HSD17B12: variants seen among roughly 807,000 people sequenced by gnomAD.
HSD17B12 encodes very-long-chain 3-oxoacyl-CoA reductase.
In HSD17B12, 32 loss-of-function variants were observed where a neutral mutation model predicts 39.3. The observed-to-expected ratio is 0.81, with a 90% CI of 0.61 to 1.09. The LOEUF (loss-of-function observed/expected upper bound fraction) is 1.09. Ranked by LOEUF, HSD17B12 falls within the 50% of genes least tolerant of loss-of-function variation. The probability of loss-of-function intolerance (pLI) is 0.00; values close to 1 mark genes in which losing one functional copy is unlikely to be tolerated. For synonymous variants in HSD17B12, 150 were observed against 146.7 expected (o/e 1.02, Z -0.16); for missense variants, 342 against 382.9 (o/e 0.89, Z 0.89).
chr11:43,607,706 A>G, the HSD17B12 span, among the ~76,000 whole-genome samples: 6 of 152,240 alleles, frequency 3.9e-5, no homozygotes, highest in East Asian at 3.8e-4. Flanking sequence ...ATATATTTGT[A>G]TAGTACTACA....
chr11:43,734,530 CAG>C, intron 1 of HSD17B12: 1 of 600,338 alleles, frequency 1.7e-6, no homozygotes, highest in Non-Finnish European at 2.9e-6. Flanking sequence ...ACCTACCTGC[CAG>C]CAGGGCAGTC....
At chr11:43,747,968 C>G (rs568319950) in intron 1 of HSD17B12, among the ~76,000 whole-genome samples, 9 of 152,070 alleles carry the variant, frequency 5.9e-5, no homozygotes, top group African/African-American at 2.2e-4. Flanking sequence ...GAGGCTGGTC[C>G]CCAACAGTTC....
chr11:43,659,161 C>T, the HSD17B12 span, among the ~76,000 whole-genome samples: 1 of 152,232 alleles, frequency 6.6e-6, no homozygotes, highest in African/African-American at 2.4e-5. Flanking sequence ...TAGCAATGAG[C>T]AAGGCTCCAT....
chr11:43,757,865 G>C (rs1950525538), intron 3 of HSD17B12, among the ~76,000 whole-genome samples: 1 of 151,976 alleles, frequency 6.6e-6, no homozygotes, highest in Admixed American at 6.6e-5. Context: ...CTAGAATAAC[G>C]GCCTGTTGCC....
chr11:43,688,674 C>T lies in HSD17B12; in HGVS notation c.160+7687C>T, dbSNP rs117898723. On this transcript the variant is annotated intron_variant, in intron 1 of 10. Transcript: ENST00000278353. ...GGGCTAGACAGTTTAAGAACTTGAA[C>T]AATTGGTGCCTCTCAAGAGTATTAC... 2.3e-3 allele frequency among the ~76,000 whole-genome samples: 347 copies of T among 152,244 alleles called. 1 individual carries two copies. The Middle Eastern group carries it at 0.037, about 16-fold the overall frequency.
At chr11:43,632,800 G>A in the HSD17B12 span, among the ~76,000 whole-genome samples, 24 of 152,086 alleles carry the variant, frequency 1.6e-4, no homozygotes, top group Non-Finnish European at 2.8e-4. Flanking sequence ...TGGACATTTG[G>A]GCATGTTGGC....
chr11:43,597,194 G>A, the HSD17B12 span, among the ~76,000 whole-genome samples: 1 of 152,208 alleles, frequency 6.6e-6, no homozygotes, highest in Admixed American at 6.5e-5. Flanking sequence ...ATTCCCATGG[G>A]TGGTCAGTGG....
chr11:43,679,861 C>T (rs1048642383), upstream of HSD17B12, among the ~76,000 whole-genome samples: 8 of 152,052 alleles, frequency 5.3e-5, no homozygotes, highest in African/African-American at 1.9e-4. Context: ...TAAGGGCTCT[C>T]TATGAGTGAG....
chr11:43,747,171 T>A (rs1398965546), intron 1 of HSD17B12, among the ~76,000 whole-genome samples: 1 of 152,220 alleles, frequency 6.6e-6, no homozygotes, highest in Non-Finnish European at 1.5e-5. Context: ...ACTTACCAAA[T>A]GTCTACTGAA....
chr11:43,656,679 A>C, the HSD17B12 span, among the ~76,000 whole-genome samples: 16 of 152,172 alleles, frequency 1.1e-4, no homozygotes, highest in African/African-American at 3.9e-4. Flanking sequence ...ATTCAGGAGC[A>C]GGGTGTTCAG....
the HSD17B12 span, among the ~76,000 whole-genome samples, chr11:43,578,413 G>T: frequency 2.0e-5 from 3 of 152,270 alleles, no homozygotes; most frequent in East Asian, 1.9e-4. Context: ...CTCAGAAGCC[G>T]TCCCTCTCTC....
Position 43,816,373 on chromosome 11 carries a change from T to C in HSD17B12, c.483T>C (p.Asn161=). The C allele has an allele frequency of 2.0e-6, 3 of 1,523,326 alleles. No homozygotes were observed. The highest frequency in any genetic ancestry group is 2.7e-6 in the Non-Finnish European group (3 of 1,124,186). 94.4% of individuals were successfully genotyped at this position (1,523,326 alleles called of 1,614,324 possible). A position where few individuals can be genotyped will look rare whatever the true frequency, so the allele number is the denominator to read the frequency against. ...DNVIKKMINI[N]ILSVCKMTQL... is the part of the protein sequence containing the mutation. ...TGATCAAGAAAATGATAAATATTAATATTCTTTCTGTTTGTAAGGTAAGCA... is the reference window on the plus strand; with the variant it reads ...TGATCAAGAAAATGATAAATATTAACATTCTTTCTGTTTGTAAGGTAAGCA... Residue 161 remains asparagine (N), a synonymous_variant, in exon 6 of 11, where the codon AAT becomes AAC. Transcript: ENST00000278353.
chr11:43,750,889 AT>A (rs1256939007), intron 1 of HSD17B12, 21 bp from the exon 2 acceptor site: 2 of 1,580,114 alleles, frequency 1.3e-6, no homozygotes, highest in Non-Finnish European at 1.7e-6. Flanking sequence ...AGACTAAACT[AT>A]TGCTTTTTTC....
the HSD17B12 span, among the ~76,000 whole-genome samples, chr11:43,654,374 T>C: frequency 6.6e-6 from 1 of 152,188 alleles, no homozygotes; most frequent in African/African-American, 2.4e-5. Flanking sequence ...TGGTTTCTTT[T>C]GCTGTGCAGA....
chr11:43,598,369 C>T, the HSD17B12 span, among the ~76,000 whole-genome samples: 19 of 151,828 alleles, frequency 1.3e-4, no homozygotes, highest in African/African-American at 4.6e-4. Context: ...GTTCTTGACC[C>T]ACTTTTATTA....
chr11:43,593,050 C>G, the HSD17B12 span, among the ~76,000 whole-genome samples: 1 of 152,108 alleles, frequency 6.6e-6, no homozygotes, highest in Non-Finnish European at 1.5e-5. Flanking sequence ...CATGAAAATG[C>G]CGAAATTGTA....
At chr11:43,733,803 C>A in intron 1 of HSD17B12, 2 of 715,530 alleles carry the variant, frequency 2.8e-6, no homozygotes, top group South Asian at 1.4e-5. Context: ...TTGGCCTGGT[C>A]TTAGCCGTTG....
chr11:43,804,468 T>A (rs1454254874), intron 4 of HSD17B12, among the ~76,000 whole-genome samples: 1 of 152,114 alleles, frequency 6.6e-6, no homozygotes, highest in Non-Finnish European at 1.5e-5. Context: ...GTCAGTTGAT[T>A]GCAAAGAATC....
chr11:43,750,926 C>A lies in HSD17B12; in HGVS notation c.176C>A (p.Thr59Asn). 6.2e-7 allele frequency: 1 copy of A among 1,601,774 alleles called. No individual in the cohort carries two copies. The highest frequency in any genetic ancestry group is 8.5e-7 in the Non-Finnish European group (1 of 1,172,568). ...CCTTTCCCAGTTGTCACAGGTAGTA[C>A]TGATGGAATTGGAAAATCATATGCA... ...LGEWAVVTGSTDGIGKSYAEE... is the reference protein window; with the variant it reads ...LGEWAVVTGSNDGIGKSYAEE... The change falls in exon 2 of 11, where the codon ACT becomes AAT. Residue 59 changes from threonine to asparagine, a missense_variant. Coordinates refer to ENST00000278353, the MANE Select transcript of HSD17B12 (RefSeq NM_016142.3).
Sources: allele counts gnomAD v4.1 joint callset (sites outside exome capture counted in the v4.1 genomes callset), GRCh38; gene constraint gnomAD v4.1.1; transcripts MANE v1.5; gene names NCBI Gene and HGNC (gene_info 2026-07-23, HGNC 2026-07-21).